Variants in GPR158 observed in about 807,000 individuals in gnomAD.
The protein encoded by GPR158 is G protein-coupled receptor 158.
A neutral mutation model predicts 78.2 loss-of-function variants in GPR158; 30 were observed. The ratio of observed to expected loss-of-function variants is 0.38; its 90% CI spans 0.29 to 0.52. GPR158 has a LOEUF of 0.52. Ranked by LOEUF, GPR158 falls within the 20% of genes least tolerant of loss-of-function variation. GPR158 has a pLI of 0.83. For missense variants in GPR158, 1,463 were observed against 1,523.5 expected (o/e 0.96, Z 0.66); for synonymous variants, 581 against 591.1 (o/e 0.98, Z 0.25).
Position 25,588,954 on chromosome 10 carries a change from A to G in GPR158, c.1754-53A>G, listed in dbSNP as rs994948974. 8 of 1,311,918 alleles carry G rather than the reference A, an allele frequency of 6.1e-6. No individual in the cohort carries two copies. The Admixed American group carries it at 1.5e-4, about 24-fold the overall frequency. The allele number at this position is 1,311,918 out of a possible 1,614,324, so 81.3% of individuals were successfully genotyped here. On this transcript the variant is annotated intron_variant, in intron 7 of 10. Coordinates refer to ENST00000376351, the MANE Select transcript of GPR158 (RefSeq NM_020752.3). ...ATAAACAAAATGCATGCTAAAGAAG[A>G]ATTTTATTTCTTCACCTATAAAACT...
chr10:25,442,960 C>A (rs1299024383), intron 4 of GPR158, among the ~76,000 whole-genome samples: 2 of 152,120 alleles, frequency 1.3e-5, no homozygotes, highest in Non-Finnish European at 2.9e-5. Context: ...TCTTCGAAAG[C>A]CTTTGATGAC....
chr10:25,277,097 A>G (rs140025861), intron 2 of GPR158, among the ~76,000 whole-genome samples: 59 of 152,014 alleles, frequency 3.9e-4, no homozygotes, highest in African/African-American at 1.4e-3. Context: ...CTACAGACAC[A>G]TGCCACCATG....
chr10:25,497,676 G>C (rs1026010808), intron 5 of GPR158, among the ~76,000 whole-genome samples: 1 of 152,252 alleles, frequency 6.6e-6, no homozygotes, highest in African/African-American at 2.4e-5. Flanking sequence ...ACTATATGCT[G>C]TGTGCTTAGC....
At chr10:25,190,262 A>C (rs1348319246) in intron 1 of GPR158, among the ~76,000 whole-genome samples, 1 of 152,194 alleles carries the variant, frequency 6.6e-6, no homozygotes, top group East Asian at 1.9e-4. Context: ...GAAGTTGTTC[A>C]GAATTTGAAC....
intron 5 of GPR158, among the ~76,000 whole-genome samples, chr10:25,527,492 G>A (rs147872906): frequency 1.6e-4 from 25 of 152,152 alleles, no homozygotes; most frequent in South Asian, 4.1e-4. Flanking sequence ...AACAATTAGC[G>A]TGTAAAACAA....
In GPR158 at chr10:25,422,759, A is replaced by G. The variant is rs959275392; in HGVS notation, c.1335+10286A>G. Among the ~76,000 whole-genome samples the G allele has an allele frequency of 1.8e-4, 28 of 151,878 alleles. 2 individuals are homozygous for G. Among genetic ancestry groups the G allele is most frequent in the Admixed American group, 1.8e-3 (28 of 15,232 alleles). ...AAACACGTGGTGTTGGGTTACACGA[A>G]TAAGTTCTTTAGTGGTGATTTCTGA... On this transcript the variant is annotated intron_variant, in intron 4 of 10. Coordinates refer to ENST00000376351, the MANE Select transcript of GPR158 (RefSeq NM_020752.3).
intron 2 of GPR158, among the ~76,000 whole-genome samples, chr10:25,285,788 T>C (rs1305959979): frequency 6.6e-6 from 1 of 152,216 alleles, no homozygotes; most frequent in Non-Finnish European, 1.5e-5. Flanking sequence ...TCCAGTCAAG[T>C]TGACACCTAA....
intron 2 of GPR158, among the ~76,000 whole-genome samples, chr10:25,317,765 T>C (rs937732361): frequency 6.7e-6 from 1 of 149,822 alleles, no homozygotes; most frequent in Non-Finnish European, 1.5e-5. Flanking sequence ...GTCTCGCTTC[T>C]TCACCCAGGC....
chr10:25,184,091 T>C (rs1173986934), intron 1 of GPR158, among the ~76,000 whole-genome samples: 1 of 152,230 alleles, frequency 6.6e-6, no homozygotes, highest in Non-Finnish European at 1.5e-5. Flanking sequence ...TTCCAGGGTC[T>C]CTTCAACGAC....
intron 4 of GPR158, among the ~76,000 whole-genome samples, chr10:25,448,941 CACCT>C (rs1835177497): frequency 6.6e-6 from 1 of 152,076 alleles, no homozygotes; most frequent in Non-Finnish European, 1.5e-5. Context: ...ATGTAAAAAA[CACCT>C]ACAATTCTGA....
intron 2 of GPR158, among the ~76,000 whole-genome samples, chr10:25,347,563 T>C (rs143891427): frequency 2.1e-3 from 316 of 152,130 alleles, no homozygotes; most frequent in African/African-American, 7.1e-3. Flanking sequence ...TCATTACCAT[T>C]CTATTTGACA....
chr10:25,317,059 T>G (rs935993394), intron 2 of GPR158, among the ~76,000 whole-genome samples: 1 of 151,860 alleles, frequency 6.6e-6, no homozygotes, highest in African/African-American at 2.4e-5. Flanking sequence ...TAATTTTTTT[T>G]TTTTTTGAGA....
At chr10:25,525,361 A>G (rs1011244515) in intron 5 of GPR158, among the ~76,000 whole-genome samples, 3 of 152,210 alleles carry the variant, frequency 2.0e-5, no homozygotes, top group African/African-American at 4.8e-5. Flanking sequence ...TAATAGCTCA[A>G]AAGTGGAAGC....
At chr10:25,544,768 T>G (rs1376560325) in intron 5 of GPR158, among the ~76,000 whole-genome samples, 1 of 152,216 alleles carries the variant, frequency 6.6e-6, no homozygotes, top group East Asian at 1.9e-4. Context: ...TGCAGGTTTG[T>G]TACATAGGTA....
At chr10:25,561,629 A>G (rs527529284) in intron 6 of GPR158, among the ~76,000 whole-genome samples, 16 of 152,296 alleles carry the variant, frequency 1.1e-4, no homozygotes, top group African/African-American at 3.9e-4. Flanking sequence ...CAAACACCCA[A>G]TGGCCATCAA....
At chr10:25,481,917 A>G (rs1198493461) in intron 5 of GPR158, among the ~76,000 whole-genome samples, 1 of 152,166 alleles carries the variant, frequency 6.6e-6, no homozygotes, top group Non-Finnish European at 1.5e-5. Flanking sequence ...ATACATAGTC[A>G]TGTAGAGGAC....
intron 2 of GPR158, among the ~76,000 whole-genome samples, chr10:25,297,002 T>G (rs1412552500): frequency 2.0e-5 from 3 of 152,214 alleles, no homozygotes; most frequent in Admixed American, 6.5e-5. Flanking sequence ...ATTCTTCCTT[T>G]GGCATATTTT....
intron 4 of GPR158, among the ~76,000 whole-genome samples, chr10:25,445,023 A>G (rs182331745): frequency 2.3e-4 from 35 of 152,292 alleles, no homozygotes; most frequent in Non-Finnish European, 4.4e-4. Flanking sequence ...CCTACACTAT[A>G]ACTAATATTT....
chr10:25,547,717 T>C (rs1054161097), intron 5 of GPR158, among the ~76,000 whole-genome samples: 4 of 152,164 alleles, frequency 2.6e-5, no homozygotes, highest in African/African-American at 9.7e-5. Flanking sequence ...GAACCAAACT[T>C]CCTGGATTCA....
Sources: gnomAD v4.1 joint callset for allele counts (sites outside exome capture counted in the v4.1 genomes callset) on GRCh38, gnomAD v4.1.1 for gene constraint, MANE v1.5 for transcripts, NCBI Gene and HGNC (gene_info 2026-07-23, HGNC 2026-07-21) for gene names.